DCLK2: variants seen among roughly 807,000 people sequenced by gnomAD.
DCLK2 encodes the protein doublecortin like kinase 2, also known as serine/threonine-protein kinase DCLK2.
Under a neutral mutation model 78.4 loss-of-function variants are expected in DCLK2, and 31 were observed. The observed-to-expected ratio is 0.40, with a 90% CI of 0.30 to 0.53. The LOEUF is 0.53. DCLK2 is among the 20% of genes least tolerant of loss of function. DCLK2 has a pLI of 0.61. For synonymous variants in DCLK2, 407 were observed against 374.9 expected, an observed-to-expected ratio of 1.09 and a Z score of -0.99; for missense variants, 872 against 973.7, an observed-to-expected ratio of 0.90 and a Z score of 1.39.
chr4:150,085,298 C>T (rs1729563122), intron 1 of DCLK2, among the ~76,000 whole-genome samples: 1 of 152,090 alleles, frequency 6.6e-6, no homozygotes, highest in Non-Finnish European at 1.5e-5. Context: ...ATACCACAGA[C>T]TAGGTAAGTT....
At chr4:150,248,979 G>C (rs572951641) in intron 14 of DCLK2, among the ~76,000 whole-genome samples, 18 of 152,204 alleles carry the variant, frequency 1.2e-4, no homozygotes, top group African/African-American at 4.3e-4. Flanking sequence ...CCAGGAGAGT[G>C]AAGTTAGTTT....
intron 2 of DCLK2, among the ~76,000 whole-genome samples, chr4:150,134,238 G>C (rs1733536186): frequency 6.6e-6 from 1 of 151,768 alleles, no homozygotes; most frequent in African/African-American, 2.4e-5. Flanking sequence ...CCGCCACTAC[G>C]CCCAGCTAAT....
chr4:150,246,195 C>T (rs1021141877), intron 12 of DCLK2, among the ~76,000 whole-genome samples: 32 of 152,162 alleles, frequency 2.1e-4, no homozygotes, highest in Non-Finnish European at 2.9e-5. Context: ...CAGGTGCGCA[C>T]CACCATGCCT....
At chr4:150,192,049 A>G (rs144543011) in intron 2 of DCLK2, among the ~76,000 whole-genome samples, 119 of 152,328 alleles carry the variant, frequency 7.8e-4, no homozygotes, top group African/African-American at 2.5e-3. Flanking sequence ...AATAAAGCCT[A>G]TCTATGTTCA....
intron 2 of DCLK2, among the ~76,000 whole-genome samples, chr4:150,183,970 G>C (rs1737718542): frequency 6.6e-6 from 1 of 151,992 alleles, no homozygotes. Flanking sequence ...CTGACCCCAA[G>C]TGATCTGCCT....
chr4:150,156,951 G>A (rs1209990963), intron 2 of DCLK2, among the ~76,000 whole-genome samples: 1 of 151,256 alleles, frequency 6.6e-6, no homozygotes, highest in Non-Finnish European at 1.5e-5. Flanking sequence ...TTTATTTTTT[G>A]TAGAGACAAG....
intron 2 of DCLK2, among the ~76,000 whole-genome samples, chr4:150,107,378 G>GGTTTTTTTT (rs535824608): frequency 1.6e-5 from 2 of 125,180 alleles, no homozygotes. Flanking sequence ...TTTGGTTATT[G>GGTTTTTTTT]TTTTTTTTTT....
chr4:150,119,701 GC>G (rs1480178709), intron 2 of DCLK2, among the ~76,000 whole-genome samples: 2 of 151,884 alleles, frequency 1.3e-5, no homozygotes, highest in African/African-American at 2.4e-5. Context: ...TTGATTTTAT[GC>G]CCAATGCAAA....
rs10019011 is a variant in DCLK2 at position 150,223,054 on chromosome 4, A to G, written c.1241+1269A>G. Among the ~76,000 whole-genome samples, 750 of 152,242 alleles carry G rather than the reference A, an allele frequency of 4.9e-3. 6 individuals carry two copies. The highest frequency in any genetic ancestry group is 0.016 in the African/African-American group (668 of 41,530). ...GAGATTTTTCCAGAAAGTTTTGGTA[A>G]CTACAGTTTTTCTGTTTTGTTACAT... On this transcript the variant is annotated intron_variant, in intron 7 of 15. Transcript: ENST00000296550.
intron 2 of DCLK2, among the ~76,000 whole-genome samples, chr4:150,190,795 T>G (rs929444049): frequency 5.3e-5 from 8 of 152,120 alleles, no homozygotes; most frequent in Non-Finnish European, 1.2e-4. Flanking sequence ...TTGTGTGGTC[T>G]GCGAATTACA....
chr4:150,108,812 A>T (rs933901703), intron 2 of DCLK2, among the ~76,000 whole-genome samples: 1 of 152,204 alleles, frequency 6.6e-6, no homozygotes. Flanking sequence ...CATAAAAGAA[A>T]CATATTTTGT....
chr4:150,219,375 C>A (rs1367910868), intron 5 of DCLK2, among the ~76,000 whole-genome samples: 1 of 142,816 alleles, frequency 7.0e-6, no homozygotes, highest in African/African-American at 2.6e-5. Flanking sequence ...TCAAGCGATT[C>A]TTATGCCTCC....
chr4:150,137,525 A>G (rs1323840756), intron 2 of DCLK2, among the ~76,000 whole-genome samples: 1 of 152,202 alleles, frequency 6.6e-6, no homozygotes, highest in African/African-American at 2.4e-5. Flanking sequence ...GCAATCTCTC[A>G]TAGAAGCCTG....
chr4:150,127,698 G>A (rs1392049566), intron 2 of DCLK2, among the ~76,000 whole-genome samples: 2 of 152,082 alleles, frequency 1.3e-5, no homozygotes, highest in African/African-American at 2.4e-5. Context: ...CCTTCTCTCC[G>A]TGTGTGTCTA....
At chr4:150,221,400 G>A (rs1036509062) in intron 6 of DCLK2, among the ~76,000 whole-genome samples, 1 of 150,050 alleles carries the variant, frequency 6.7e-6, no homozygotes, top group Non-Finnish European at 1.5e-5. Context: ...ATAAGTTTTA[G>A]TGAAATATCC....
intron 2 of DCLK2, among the ~76,000 whole-genome samples, chr4:150,170,398 G>C (rs550221846): frequency 9.1e-4 from 138 of 152,238 alleles, no homozygotes; most frequent in African/African-American, 3.1e-3. Context: ...TTGATATTTA[G>C]CTGGGGCGAG....
At chr4:150,121,260 T>C (rs1191421027) in intron 2 of DCLK2, among the ~76,000 whole-genome samples, 1 of 80,398 alleles carries the variant, frequency 1.2e-5, no homozygotes, top group Non-Finnish European at 2.5e-5. Context: ...TTAGCCACAG[T>C]AGAACTTCTT....
intron 2 of DCLK2, among the ~76,000 whole-genome samples, chr4:150,177,894 G>C (rs1251440214): frequency 6.6e-6 from 1 of 152,138 alleles, no homozygotes; most frequent in African/African-American, 2.4e-5. Flanking sequence ...GTCCTGGGTT[G>C]GTGGGGAAGG....
intron 2 of DCLK2, among the ~76,000 whole-genome samples, chr4:150,157,581 C>T (rs1436977231): frequency 6.7e-6 from 1 of 148,500 alleles, no homozygotes; most frequent in African/African-American, 2.5e-5. Context: ...GGTGTGATCT[C>T]GGCTCACTGC....
Sources: allele counts gnomAD v4.1 joint callset (sites outside exome capture counted in the v4.1 genomes callset), GRCh38; gene constraint gnomAD v4.1.1; transcripts MANE v1.5; gene names NCBI Gene and HGNC (gene_info 2026-07-23, HGNC 2026-07-21).